The following CHST9 variants were observed in gnomAD, a reference collection of about 807,000 sequenced individuals.
CHST9 encodes the protein carbohydrate sulfotransferase 9, also known as GalNAc-4-sulfotransferase 2.
CHST9 carries 41 observed loss-of-function variants against 44.4 expected under a neutral mutation model. The ratio of observed to expected loss-of-function variants is 0.92; its 90% CI spans 0.72 to 1.20. The LOEUF (loss-of-function observed/expected upper bound fraction) is 1.20, where lower values mean the gene tolerates loss of function less well. CHST9 is among the 50% of genes most tolerant of loss of function. The pLI, the probability that CHST9 is intolerant of heterozygous loss-of-function variation, is 0.00. For synonymous variants in CHST9, 171 were observed against 178.4 expected (o/e 0.96, Z 0.33); for missense variants, 504 against 516.5 (o/e 0.98, Z 0.23).
At chr18:27,106,497 C>G (rs2058222736) in intron 2 of CHST9, among the ~76,000 whole-genome samples, 1 of 152,176 alleles carries the variant, frequency 6.6e-6, no homozygotes, top group African/African-American at 2.4e-5. Context: ...CTTATTCTCT[C>G]AGACTTTGCA....
At position 27,152,127 on chromosome 18, in the gene CHST9, T is replaced by C. The variant is rs141397501; in HGVS notation, c.-96-9222A>G. On this transcript the variant is annotated intron_variant, in intron 1 of 5. Coordinates refer to ENST00000618847, the MANE Select transcript of CHST9 (RefSeq NM_031422.6). ...ACAGAACACAGAAATATATCCTTTT[T>C]CTAGACACTAATTTATAGGTGCTTC... Among the ~76,000 whole-genome samples the C allele has an allele frequency of 3.5e-4, 53 of 152,314 alleles. No individual in the cohort carries two copies. The East Asian group carries it at 0.01, about 29-fold the overall frequency.
intron 3 of CHST9, among the ~76,000 whole-genome samples, chr18:27,040,766 G>T (rs2057436512): frequency 6.6e-6 from 1 of 152,140 alleles, no homozygotes; most frequent in African/African-American, 2.4e-5. Flanking sequence ...ATCATTTACA[G>T]TTGATTAAAA....
intron 4 of CHST9, chr18:26,952,322 T>G: frequency 3.9e-6 from 2 of 512,524 alleles, no homozygotes; most frequent in Non-Finnish European, 7.8e-6. Context: ...GGATCTCAAC[T>G]CCACCAACTA....
chr18:27,047,875 A>G (rs2057523533), intron 3 of CHST9, among the ~76,000 whole-genome samples: 1 of 152,166 alleles, frequency 6.6e-6, no homozygotes, highest in South Asian at 2.1e-4. Context: ...TCACAACTTT[A>G]AGCTAAAAGG....
chr18:27,031,523 G>C (rs2143495480), intron 3 of CHST9, among the ~76,000 whole-genome samples: 1 of 152,208 alleles, frequency 6.6e-6, no homozygotes, highest in African/African-American at 2.4e-5. Context: ...AATTACAACT[G>C]TCTGCAAGCT....
chr18:27,164,233 T>C (rs890451164), intron 1 of CHST9, among the ~76,000 whole-genome samples: 2 of 151,192 alleles, frequency 1.3e-5, no homozygotes, highest in African/African-American at 4.9e-5. Context: ...AATAACTATA[T>C]GTCACAGCCT....
At chr18:27,054,667 A>T (rs2057632014) in intron 2 of CHST9, among the ~76,000 whole-genome samples, 1 of 152,130 alleles carries the variant, frequency 6.6e-6, no homozygotes, top group Non-Finnish European at 1.5e-5. Context: ...GTAGTCTCTT[A>T]ATCACAGTGA....
intron 5 of CHST9, among the ~76,000 whole-genome samples, chr18:26,919,574 T>C (rs535589829): frequency 6.6e-6 from 1 of 152,334 alleles, no homozygotes; most frequent in Non-Finnish European, 1.5e-5. Flanking sequence ...GTAGTAGTTA[T>C]AGTACTTTAA....
At chr18:27,111,146 T>G (rs1365784713) in intron 2 of CHST9, among the ~76,000 whole-genome samples, 2 of 152,176 alleles carry the variant, frequency 1.3e-5, no homozygotes, top group African/African-American at 4.8e-5. Context: ...GAACAAACCT[T>G]ATTTGTAGGT....
At chr18:26,925,663 G>A (rs117260770) in intron 5 of CHST9, among the ~76,000 whole-genome samples, 3,346 of 152,230 alleles carry the variant, frequency 0.022, 59 homozygotes, top group Non-Finnish European at 0.031. Flanking sequence ...GGGTGACCTC[G>A]GTTATCTTAT....
At chr18:27,016,351 T>A (rs943991445) in intron 4 of CHST9, among the ~76,000 whole-genome samples, 2 of 152,204 alleles carry the variant, frequency 1.3e-5, no homozygotes, top group African/African-American at 2.4e-5. Flanking sequence ...CCTAAGGATT[T>A]CATCTTTGCT....
intron 2 of CHST9, among the ~76,000 whole-genome samples, chr18:27,091,537 A>T (rs2058068971): frequency 6.6e-6 from 1 of 152,104 alleles, no homozygotes; most frequent in African/African-American, 2.4e-5. Context: ...TTTCAAAGGG[A>T]ATGCTTCCAG....
At position 27,048,511 on chromosome 18, in the gene CHST9, G is replaced by A. The variant is rs377603435; in HGVS notation, c.122-8C>T. 209 of 1,602,744 alleles carry A rather than the reference G, an allele frequency of 1.3e-4. 1 individual carries two copies. In the African/African-American group the frequency reaches 2.6e-3, roughly 20 times the overall value. On this transcript the variant is annotated splice_region_variant and splice_polypyrimidine_tract_variant and intron_variant, in intron 2 of 5. Transcript: ENST00000618847. ...TTCTCTTCTCCACTCTCCCTGAAAT[G>A]AGAAGTGGAAGATAAGTTACAGCAT... is the stretch of plus-strand genomic sequence containing the variant.
chr18:27,079,912 A>G (rs67865858), intron 2 of CHST9, among the ~76,000 whole-genome samples: 17,107 of 152,194 alleles, frequency 0.11, 1,062 homozygotes, highest in African/African-American at 0.17. Context: ...TTGTGATGAC[A>G]TGGAGTCCAC....
At chr18:26,924,698 G>A (rs12962943) in intron 5 of CHST9, 34,209 of 231,176 alleles carry the variant, frequency 0.15, 2,797 homozygotes, top group East Asian at 0.22. Flanking sequence ...GGGGACACAG[G>A]TCAGTGTGTC....
chr18:27,143,287 G>GA (rs2058583659), intron 1 of CHST9, among the ~76,000 whole-genome samples: 1 of 152,078 alleles, frequency 6.6e-6, no homozygotes, highest in Non-Finnish European at 1.5e-5. Context: ...AGAATGTAAG[G>GA]AAAAATCACC....
Position 26,908,885 on chromosome 18 carries a change from C to T in CHST9, c.*7374G>A, listed in dbSNP as rs989229696. 1 of 152,144 alleles carries T rather than the reference C, an allele frequency of 6.6e-6. No homozygotes were observed. Among genetic ancestry groups the T allele is most frequent in the Non-Finnish European group, 1.5e-5 (1 of 68,022 alleles). The allele number at this position is 152,144 out of a possible 1,614,324, so 9.4% of individuals were successfully genotyped here. A position where few individuals can be genotyped will look rare whatever the true frequency, so the allele number is the denominator to read the frequency against. On this transcript the variant is annotated 3_prime_UTR_variant, in exon 6 of 6. Transcript: ENST00000618847. ...TAATAACCAAATAGCAAATATTTTC[C>T]ATTTTCAATCATCTTAGGTCAATTT...
At chr18:27,071,527 T>C (rs2057839510) in intron 2 of CHST9, among the ~76,000 whole-genome samples, 1 of 152,218 alleles carries the variant, frequency 6.6e-6, no homozygotes, top group South Asian at 2.1e-4. Flanking sequence ...ATCACACTTA[T>C]AATGTGAGAT....
intron 1 of CHST9, among the ~76,000 whole-genome samples, chr18:27,165,143 T>C (rs2058780174): frequency 6.6e-6 from 1 of 152,144 alleles, no homozygotes; most frequent in Admixed American, 6.5e-5. Context: ...TGGGAGACTG[T>C]GTGGAAAGAT....
Sources: allele counts gnomAD v4.1 joint callset (sites outside exome capture counted in the v4.1 genomes callset), GRCh38; gene constraint gnomAD v4.1.1; transcripts MANE v1.5; gene names NCBI Gene and HGNC (gene_info 2026-07-23, HGNC 2026-07-21).